WNK4: variants seen among roughly 807,000 people sequenced by gnomAD.
WNK4 encodes the protein WNK lysine deficient protein kinase 4.
A neutral mutation model predicts 116.2 loss-of-function variants in WNK4; 94 were observed. The ratio of observed to expected loss-of-function variants is 0.81; its 90% CI spans 0.68 to 0.96. The LOEUF is 0.96. Among genes scored for constraint, WNK4 ranks in the 40% least tolerant of loss-of-function variants. WNK4 has a pLI of 0.00. For synonymous variants in WNK4, 655 were observed against 672.7 expected (o/e 0.97, Z 0.41); for missense variants, 1,542 against 1,650.6 (o/e 0.93, Z 1.14).
rs1597892979 is a variant in WNK4, at chr17:42,781,280, C to T, written c.582C>T (p.Thr194=). The stretch of plus-strand genomic sequence containing the variant: ...AGACGGTGTATCGAGGGCTAGACAC[C>T]GACACCACAGTGGAGGTGGCCTGGT... The part of the protein sequence containing the change: ...SFKTVYRGLD[T]DTTVEVAWCE... Residue 194 remains threonine (T), a synonymous_variant, in exon 1 of 19, where the codon ACC becomes ACT. Coordinates refer to ENST00000246914, the MANE Select transcript of WNK4 (RefSeq NM_032387.5). 6.2e-7 allele frequency: 1 copy of T among 1,614,138 alleles called. No homozygotes were observed.
rs2054682877 is a variant in WNK4 at position 42,796,872 on chromosome 17, CTG to C, written c.*186_*187del. 3 of 1,203,434 alleles carry C rather than the reference CTG, an allele frequency of 2.5e-6. No individual in the cohort carries two copies. In the Admixed American group the frequency reaches 6.6e-5, roughly 26 times the overall value. The allele number at this position is 1,203,434 out of a possible 1,614,324, so 74.5% of individuals were successfully genotyped here. ...TAGTGAAGAGCCAAACATATGTGAA[CTG>C]TTTGCTGTGTGGAGGTGTTAGTTCT... On this transcript the variant is annotated 3_prime_UTR_variant, in exon 19 of 19. Coordinates refer to ENST00000246914, the MANE Select transcript of WNK4 (RefSeq NM_032387.5).
Position 42,796,328 on chromosome 17 carries a change from A to C in WNK4, c.3631+6A>C. On this transcript the variant is annotated splice_donor_region_variant and intron_variant, in intron 17 of 18. Transcript: ENST00000246914. Reference sequence around the variant, plus strand: ...CTCTGAGCCCCCAGGCCCTGGTGAGACTGCAGTCACCCAGCTTCCATCTTT... The same window carrying C: ...CTCTGAGCCCCCAGGCCCTGGTGAGCCTGCAGTCACCCAGCTTCCATCTTT... 6.2e-7 allele frequency: 1 copy of C among 1,611,160 alleles called. No individual in the cohort carries two copies. Among genetic ancestry groups the C allele is most frequent in the Non-Finnish European group, 8.5e-7 (1 of 1,178,752 alleles).
Position 42,795,287 on chromosome 17 carries a change from C to T in WNK4, c.2866C>T (p.Pro956Ser). 6.2e-7 allele frequency: 1 copy of T among 1,613,982 alleles called. No individual in the cohort carries two copies. Among genetic ancestry groups the T allele is most frequent in the Non-Finnish European group, 8.5e-7 (1 of 1,179,942 alleles). The change falls in exon 14 of 19, where the codon CCT (proline) becomes TCT (serine). Residue 956 changes from proline (P) to serine (S), a missense_variant. Transcript: ENST00000246914. ...GCTCCTTTCCCAGTCTCCTCCAGCC[C>T]CTCCTAGTCCCCTCCCTAGCCTGCC... is the stretch of plus-strand genomic sequence containing the variant. Reference protein sequence around the residue: ...PGLLSQSPPAPPSPLPSLPLP... With the variant: ...PGLLSQSPPASPSPLPSLPLP...
intron 6 of WNK4, among the ~76,000 whole-genome samples, chr17:42,786,533 CAG>C (rs1381259234): frequency 6.6e-6 from 1 of 152,196 alleles, no homozygotes; most frequent in African/African-American, 2.4e-5. Flanking sequence ...GCTGGGATTA[CAG>C]GCAAAAGCCA....
At chr17:42,787,589 C>T (rs1195925184) in intron 7 of WNK4, 47 bp downstream of exon 7, 1 of 1,610,292 alleles carries the variant, frequency 6.2e-7, no homozygotes, top group East Asian at 2.2e-5. Flanking sequence ...ACACCTTGGC[C>T]TCTGCCCCCT....
chr17:42,788,704 G>A lies in WNK4; in HGVS notation c.2064G>A (p.Val688=). The change falls in exon 11 of 19, where the codon GTG becomes GTA. Residue 688 remains valine, a synonymous_variant. Transcript: ENST00000246914. ...AGGTCTCAGACCAGAATGACAGAGTGGTTGAGTGCCAGCTACAGACCCATA... is the reference window on the plus strand; with the variant it reads ...AGGTCTCAGACCAGAATGACAGAGTAGTTGAGTGCCAGCTACAGACCCATA... ...VTSVSDQNDR[V]VECQLQTHNS... 6.2e-7 allele frequency: 1 copy of A among 1,614,114 alleles called. No individual in the cohort carries two copies. The highest frequency in any genetic ancestry group is 8.5e-7 in the Non-Finnish European group (1 of 1,179,990).
Position 42,794,998 on chromosome 17 carries a change from C to T in WNK4, c.2577C>T (p.Thr859=), listed in dbSNP as rs387907558. The stretch of plus-strand genomic sequence containing the variant: ...CCTCAAATCCCTCTCCACACCCCAC[C>T]AGCTCTCCACTTCCATTCTCCTCCA... ...QVSSNPSPHP[T]SSPLPFSSST... Residue 859 remains threonine, a synonymous_variant, in exon 14 of 19, where the codon ACC becomes ACT. Transcript: ENST00000246914. 1 of 1,613,360 alleles carries T rather than the reference C, an allele frequency of 6.2e-7. No homozygotes were observed. Among genetic ancestry groups the T allele is most frequent in the Non-Finnish European group, 8.5e-7 (1 of 1,179,820 alleles).
rs1227945283 is a variant in WNK4 at position 42,782,202 on chromosome 17, T to C, written c.619-556T>C. On this transcript the variant is annotated intron_variant, in intron 1 of 18. Transcript: ENST00000246914. The surrounding 1 kb of genome is among the most constrained non-coding windows in gnomAD (Gnocchi z 4.2). Reference sequence around the variant, plus strand: ...CAGGAGAGGCAGCCAAATTGGGGGGTGAGGGGAGGGAGAGGAGCCGGGGCG... The same window carrying C: ...CAGGAGAGGCAGCCAAATTGGGGGGCGAGGGGAGGGAGAGGAGCCGGGGCG... 1.9e-5 allele frequency among the ~76,000 whole-genome samples: 2 copies of C among 104,814 alleles called. No individual in the cohort carries two copies. Among genetic ancestry groups the C allele is most frequent in the Non-Finnish European group, 3.9e-5 (2 of 51,542 alleles). 68.8% of individuals were successfully genotyped at this position (104,814 alleles called of 152,430 possible).
Position 42,787,904 on chromosome 17 carries a change from GA to G in WNK4, c.1863+6del, listed in dbSNP as rs570826452. ...TCCCATCTCTGCCTGCCCTCGGTGA[GA>G]GGGGGTCGCATGGGGGGCTCCCAGC... On this transcript the variant is annotated splice_donor_region_variant and intron_variant, in intron 8 of 18. Coordinates refer to ENST00000246914, the MANE Select transcript of WNK4 (RefSeq NM_032387.5). 1.2e-4 allele frequency: 190 copies of G among 1,609,256 alleles called. No homozygotes were observed. In the African/African-American group the frequency reaches 2.0e-3, roughly 17 times the overall value.
Position 42,788,190 on chromosome 17 carries a change from T to G in WNK4, c.1922+2T>G. ...AAGTGACTTTTCCCCCGGGGACAGGTATGTTCTGGTACAAGTTGGGGTGCC... is the reference window on the plus strand; with the variant it reads ...AAGTGACTTTTCCCCCGGGGACAGGGATGTTCTGGTACAAGTTGGGGTGCC... On this transcript the variant is annotated splice_donor_variant, in intron 9 of 18. Coordinates refer to ENST00000246914, the MANE Select transcript of WNK4 (RefSeq NM_032387.5). LOFTEE classifies it high-confidence loss of function. The G allele has an allele frequency of 6.2e-7, 1 of 1,614,060 alleles. No homozygotes were observed.
In WNK4 at chr17:42,785,394, G is replaced by A; in HGVS notation, c.1388G>A (p.Arg463Gln). ...LKLWLRMEDA[R>Q]RGGRPRDNQA... Reference sequence around the variant, plus strand: ...CTCTGGCTGCGCATGGAGGACGCGCGGCGCGGGGGGCGCCCACGGGACAAC... The same window carrying A: ...CTCTGGCTGCGCATGGAGGACGCGCAGCGCGGGGGGCGCCCACGGGACAAC... Residue 463 changes from arginine (R) to glutamine (Q), a missense_variant, in exon 6 of 19, where the codon CGG becomes CAG. By Grantham distance (43) the Arg-to-Gln change is conservative. Coordinates refer to ENST00000246914, the MANE Select transcript of WNK4 (RefSeq NM_032387.5). 2 of 1,582,032 alleles carry A rather than the reference G, an allele frequency of 1.3e-6. No individual in the cohort carries two copies. Among genetic ancestry groups the A allele is most frequent in the Non-Finnish European group, 8.6e-7 (1 of 1,163,892 alleles).
In WNK4 at chr17:42,796,111, G is replaced by A. The variant is rs775638341; in HGVS notation, c.3432-12G>A. 31 of 1,613,964 alleles carry A rather than the reference G, an allele frequency of 1.9e-5. No homozygotes were observed. Among genetic ancestry groups the A allele is most frequent in the South Asian group, 8.8e-5 (8 of 91,082 alleles). ...TGTGGCTAGCCCTTTCATGCCCTCC[G>A]TGCATCCTCAGGCACTTGTCAGAGG... On this transcript the variant is annotated splice_polypyrimidine_tract_variant and intron_variant, in intron 16 of 18. Coordinates refer to ENST00000246914, the MANE Select transcript of WNK4 (RefSeq NM_032387.5).
chr17:42,783,668 G>GT, intron 2 of WNK4: 1 of 561,370 alleles, frequency 1.8e-6, no homozygotes, highest in South Asian at 2.1e-5. Context: ...GCTTGGGGCA[G>GT]TTAGTCATCC....
In WNK4 at chr17:42,788,732, A is replaced by G; in HGVS notation, c.2092A>G (p.Ser698Gly). ...TGAGTGCCAGCTACAGACCCATAAC[A>G]GCAAGATGGTGACCTTCCGATTTGA... ...VVECQLQTHN[S>G]KMVTFRFDLD... is the part of the protein sequence containing the mutation. Residue 698 changes from serine to glycine, a missense_variant, in exon 11 of 19, where the codon AGC (serine) becomes GGC (glycine). Around this residue, in one of 7 missense-constraint regions of WNK4, gnomAD observed 808 missense variants for 873.6 expected, o/e 0.92. Transcript: ENST00000246914. 1 of 1,614,112 alleles carries G rather than the reference A, an allele frequency of 6.2e-7. No individual in the cohort carries two copies. The highest frequency in any genetic ancestry group is 8.5e-7 in the Non-Finnish European group (1 of 1,180,014).
rs773433967 is a variant in WNK4, at chr17:42,782,742, G to A, written c.619-16G>A. 31 of 1,613,816 alleles carry A rather than the reference G, an allele frequency of 1.9e-5. No individual in the cohort carries two copies. The highest frequency in any genetic ancestry group is 3.3e-5 in the Admixed American group (2 of 60,020). On this transcript the variant is annotated splice_polypyrimidine_tract_variant and intron_variant, in intron 1 of 18. Coordinates refer to ENST00000246914, the MANE Select transcript of WNK4 (RefSeq NM_032387.5). The surrounding 1 kb of genome is among the most constrained non-coding windows in gnomAD (Gnocchi z 4.2). The stretch of plus-strand genomic sequence containing the variant: ...GTGTCCTGGGCCTGACATGACACCC[G>A]TCCCCCATCCCACAGACTCGGAAAC...
Position 42,784,636 on chromosome 17 carries a change from G to A in WNK4, c.1170+57G>A, listed in dbSNP as rs1436130994. 5 of 1,604,614 alleles carry A rather than the reference G, an allele frequency of 3.1e-6. No homozygotes were observed. The highest frequency in any genetic ancestry group is 3.4e-6 in the Non-Finnish European group (4 of 1,176,342). On this transcript the variant is annotated intron_variant, in intron 4 of 18. Transcript: ENST00000246914. This position sits in a 1 kb window ranked among gnomAD's most constrained non-coding sequence, Gnocchi z 4.4. ...TTCCAGGGCCACTTCCCCTTTTCCT[G>A]CGCCGGCCAGCCCGCAGTCAATGCC...
At position 42,781,038 on chromosome 17, in the gene WNK4, G is replaced by C; in HGVS notation, c.340G>C (p.Ala114Pro). ...CCCCGAGGGCACGTGGACCGAGGGA[G>C]CCCCTGTGAAGGCTGCGGAAGACTC... The part of the protein sequence containing the change: ...EPPEGTWTEG[A>P]PVKAAEDSAR... Residue 114 changes from alanine to proline, a missense_variant, in exon 1 of 19, where the codon GCC becomes CCC. This residue lies in a region of WNK4 where 243 missense variants were observed against 217.8 expected (regional missense o/e 1.12). Transcript: ENST00000246914. The C allele has an allele frequency of 6.2e-7, 1 of 1,611,020 alleles. No individual in the cohort carries two copies. Among genetic ancestry groups the C allele is most frequent in the Non-Finnish European group, 8.5e-7 (1 of 1,179,408 alleles).
intron 11 of WNK4, among the ~76,000 whole-genome samples, chr17:42,791,149 C>T (rs1441447386): frequency 1.3e-4 from 20 of 152,184 alleles, no homozygotes; most frequent in Non-Finnish European, 2.1e-4. Flanking sequence ...CACCCAGAGT[C>T]CTTTGCCCTC....
rs771637519 is a variant in WNK4, at chr17:42,788,656, C to A, written c.2041-25C>A. ...ATGATGAAGAGGGCTTGACCTTCTC[C>A]CCTCTGCTGACTTTGAATCTGAAGG... On this transcript the variant is annotated intron_variant, in intron 10 of 18. Transcript: ENST00000246914. 10 of 1,582,528 alleles carry A rather than the reference C, an allele frequency of 6.3e-6. No individual in the cohort carries two copies. The South Asian group carries it at 1.1e-4, about 18-fold the overall frequency.
Sources: allele counts gnomAD v4.1 joint callset (sites outside exome capture counted in the v4.1 genomes callset), GRCh38; gene constraint gnomAD v4.1.1; regional missense constraint gnomAD v4.1.1; non-coding constraint Gnocchi (gnomAD v3.1); transcripts MANE v1.5; gene names NCBI Gene and HGNC (gene_info 2026-07-23, HGNC 2026-07-21).